Variants in ANKRD12 observed in about 807,000 individuals in gnomAD.
The protein encoded by ANKRD12 is ankyrin repeat domain 12, also known as ankyrin repeat domain-containing protein 12.
A neutral mutation model predicts 183.4 loss-of-function variants in ANKRD12; 85 were observed. That is an observed-to-expected ratio of 0.46 (90% CI 0.39 to 0.56). The LOEUF is 0.56. ANKRD12 is among the 20% of genes least tolerant of loss of function. The pLI is 0.00. For missense variants in ANKRD12, 2,405 were observed against 2,357.1 expected (o/e 1.02, Z -0.42); for synonymous variants, 914 against 800.2 (o/e 1.14, Z -2.40).
intron 1 of ANKRD12, among the ~76,000 whole-genome samples, chr18:9,150,807 C>T (rs2078660625): frequency 6.6e-6 from 1 of 152,098 alleles, no homozygotes; most frequent in Non-Finnish European, 1.5e-5. Flanking sequence ...GCACCTGCCA[C>T]CACACCTGGC....
chr18:9,218,815 C>A (rs2036258848), intron 7 of ANKRD12, among the ~76,000 whole-genome samples: 1 of 151,784 alleles, frequency 6.6e-6, no homozygotes, highest in South Asian at 2.1e-4. Flanking sequence ...ACTACAGGCA[C>A]GCACACCATG....
At position 9,275,516 on chromosome 18, in the gene ANKRD12, T is replaced by G; in HGVS notation, c.5764-8T>G. 6.3e-7 allele frequency: 1 copy of G among 1,595,082 alleles called. No individual in the cohort carries two copies. Among genetic ancestry groups the G allele is most frequent in the Non-Finnish European group, 8.6e-7 (1 of 1,168,980 alleles). ...AATTTATTTTTTTTTAATTCTTTATTCAACTAGGAAAAACTCATTGTATCC... is the reference window on the plus strand; with the variant it reads ...AATTTATTTTTTTTTAATTCTTTATGCAACTAGGAAAAACTCATTGTATCC... On this transcript the variant is annotated splice_region_variant and splice_polypyrimidine_tract_variant and intron_variant, in intron 10 of 12. Transcript: ENST00000262126.
intron 9 of ANKRD12, chr18:9,260,452 C>T (rs1218006990): frequency 6.6e-6 from 1 of 152,148 alleles, no homozygotes; most frequent in Non-Finnish European, 1.5e-5. Flanking sequence ...AAAATGCTGC[C>T]ATTTTTCCAG....
At chr18:9,276,000 T>G (rs1044775158) in intron 11 of ANKRD12, among the ~76,000 whole-genome samples, 2 of 152,210 alleles carry the variant, frequency 1.3e-5, no homozygotes, top group Non-Finnish European at 1.5e-5. Context: ...TATTGTACAC[T>G]GAAAAATAGT....
At chr18:9,220,194 A>C (rs1396606981) in intron 7 of ANKRD12, among the ~76,000 whole-genome samples, 1 of 152,098 alleles carries the variant, frequency 6.6e-6, no homozygotes, top group Non-Finnish European at 1.5e-5. Flanking sequence ...TGTTCCTTTG[A>C]TGGTAAATGC....
At chr18:9,191,300 A>G (rs1230537726) in intron 2 of ANKRD12, among the ~76,000 whole-genome samples, 3 of 152,254 alleles carry the variant, frequency 2.0e-5, no homozygotes, top group African/African-American at 4.8e-5. Context: ...TTTCAAGTCT[A>G]TCAAAAACAT....
intron 8 of ANKRD12, among the ~76,000 whole-genome samples, chr18:9,222,970 A>C (rs2036504342): frequency 6.6e-6 from 1 of 152,258 alleles, no homozygotes; most frequent in African/African-American, 2.4e-5. Flanking sequence ...CACTGATTAC[A>C]GACAAGATGA....
rs1374183266 is a variant in ANKRD12, at chr18:9,258,004, T to G, written c.4737T>G (p.Ala1579=). ...IQEASPNFEK[A]YTLPVLPSEK... is the part of the protein sequence containing the mutation. ...AAGCATCACCAAACTTTGAGAAAGC[T>G]TATACTTTACCTGTGTTACCATCAG... The change falls in exon 9 of 13, where the codon GCT becomes GCG. Residue 1579 remains alanine, a synonymous_variant. Coordinates refer to ENST00000262126, the MANE Select transcript of ANKRD12 (RefSeq NM_015208.5). The G allele has an allele frequency of 1.9e-6, 3 of 1,613,646 alleles. No individual in the cohort carries two copies. Among genetic ancestry groups the G allele is most frequent in the Admixed American group, 1.7e-5 (1 of 59,958 alleles).
intron 8 of ANKRD12, among the ~76,000 whole-genome samples, chr18:9,252,623 G>A (rs761042028): frequency 5.8e-4 from 89 of 152,192 alleles, no homozygotes; most frequent in Non-Finnish European, 9.7e-4. Flanking sequence ...GATCACAAAT[G>A]ACAAACCATG....
At chr18:9,174,127 A>G (rs1018190861) in intron 1 of ANKRD12, among the ~76,000 whole-genome samples, 2 of 152,222 alleles carry the variant, frequency 1.3e-5, no homozygotes, top group Admixed American at 1.3e-4. Flanking sequence ...ACTCCTCCTC[A>G]TCAGGACCAC....
intron 11 of ANKRD12, among the ~76,000 whole-genome samples, chr18:9,279,312 T>C (rs950407966): frequency 2.6e-5 from 4 of 152,150 alleles, no homozygotes; most frequent in African/African-American, 9.7e-5. Context: ...CTTAGAGCAA[T>C]AGGAATCTAT....
intron 1 of ANKRD12, among the ~76,000 whole-genome samples, chr18:9,169,225 T>C (rs2032427040): frequency 6.6e-6 from 1 of 152,190 alleles, no homozygotes; most frequent in African/African-American, 2.4e-5. Flanking sequence ...TAGATGTCTA[T>C]GAGGTCCACT....
chr18:9,187,040 C>T (rs762625538), intron 2 of ANKRD12, among the ~76,000 whole-genome samples: 18 of 152,100 alleles, frequency 1.2e-4, no homozygotes, highest in African/African-American at 3.4e-4. Context: ...GGATTACAGG[C>T]GTGAGCCACT....
chr18:9,180,016 A>G (rs1218513213), intron 1 of ANKRD12, among the ~76,000 whole-genome samples: 1 of 152,200 alleles, frequency 6.6e-6, no homozygotes, highest in Non-Finnish European at 1.5e-5. Flanking sequence ...CTGTTCTTAT[A>G]TAATCCTTGC....
intron 8 of ANKRD12, among the ~76,000 whole-genome samples, chr18:9,226,379 C>T (rs1446894459): frequency 3.3e-5 from 5 of 151,872 alleles, no homozygotes; most frequent in African/African-American, 7.3e-5. Context: ...AAGCTGAGTT[C>T]GCACCATTAC....
intron 1 of ANKRD12, among the ~76,000 whole-genome samples, chr18:9,146,536 T>G (rs1013470926): frequency 3.9e-5 from 6 of 152,196 alleles, no homozygotes; most frequent in African/African-American, 1.2e-4. Flanking sequence ...AAAAAAAAAT[T>G]AAAAACCAAC....
intron 12 of ANKRD12, among the ~76,000 whole-genome samples, chr18:9,280,165 A>G (rs1013094290): frequency 7.9e-5 from 12 of 152,038 alleles, no homozygotes; most frequent in South Asian, 2.1e-4. Flanking sequence ...GGGTGGGAGG[A>G]TGGTTTGGGG....
chr18:9,229,788 T>C (rs2036936794), intron 8 of ANKRD12, among the ~76,000 whole-genome samples: 1 of 152,236 alleles, frequency 6.6e-6, no homozygotes. Context: ...CTTGCATATT[T>C]TGAACCATGC....
At chr18:9,280,204 A>G (rs922081196) in intron 12 of ANKRD12, among the ~76,000 whole-genome samples, 1 of 152,228 alleles carries the variant, frequency 6.6e-6, no homozygotes, top group Admixed American at 6.5e-5. Flanking sequence ...ATCATCAGAC[A>G]TTAGATTCTC....
Sources: gnomAD v4.1 joint callset for allele counts (sites outside exome capture counted in the v4.1 genomes callset) on GRCh38, gnomAD v4.1.1 for gene constraint, MANE v1.5 for transcripts, NCBI Gene and HGNC (gene_info 2026-07-23, HGNC 2026-07-21) for gene names.